The following OSBPL9 variants were observed in gnomAD, a reference collection of about 807,000 sequenced individuals.
OSBPL9 encodes the protein oxysterol binding protein like 9, also known as oxysterol-binding protein-related protein 9.
OSBPL9 carries 40 observed loss-of-function variants against 106.6 expected under a neutral mutation model. That is an observed-to-expected ratio of 0.38 (90% confidence interval 0.29 to 0.49). OSBPL9 has a LOEUF of 0.49. Ranked by LOEUF, OSBPL9 falls within the 20% of genes least tolerant of loss-of-function variation. The probability of loss-of-function intolerance (pLI) is 0.97; values close to 1 mark genes in which losing one functional copy is unlikely to be tolerated. For missense variants in OSBPL9, 609 were observed against 887.2 expected (o/e 0.69, Z 3.98); for synonymous variants, 269 against 295.4 (o/e 0.91, Z 0.92).
intron 7 of OSBPL9, chr1:51,749,524 C>CT: frequency 2.4e-6 from 1 of 421,638 alleles, no homozygotes; most frequent in South Asian, 1.7e-5. Flanking sequence ...GCTATGTTGC[C>CT]TAGGCTGGTC....
At chr1:51,679,814 A>C (rs571395875) in intron 3 of OSBPL9, among the ~76,000 whole-genome samples, 1 of 152,316 alleles carries the variant, frequency 6.6e-6, no homozygotes, top group South Asian at 2.1e-4. Flanking sequence ...AGAGCTCTAG[A>C]GTAGTGATGC....
At position 51,787,902 on chromosome 1, in the gene OSBPL9, T is replaced by C; in HGVS notation, c.*113T>C. On this transcript the variant is annotated 3_prime_UTR_variant, in exon 24 of 24. Transcript: ENST00000428468. ...ATTCCAATCTTCTAATTACAGTGGT[T>C]CCTATCTCAGGGATACTGGACTTTC... is the stretch of plus-strand genomic sequence containing the variant. The C allele has an allele frequency of 2.1e-6, 2 of 968,888 alleles. No individual in the cohort carries two copies. Among genetic ancestry groups the C allele is most frequent in the Non-Finnish European group, 3.2e-6 (2 of 621,876 alleles). The allele number at this position is 968,888 out of a possible 1,614,324, so 60.0% of individuals were successfully genotyped here. A position where few individuals can be genotyped will look rare whatever the true frequency, so the allele number is the denominator to read the frequency against.
intron 4 of OSBPL9, among the ~76,000 whole-genome samples, chr1:51,734,870 A>G (rs1454755265): frequency 6.6e-6 from 1 of 152,082 alleles, no homozygotes; most frequent in Non-Finnish European, 1.5e-5. Context: ...TTTAGCCACT[A>G]ATTTTGGTTT....
chr1:51,640,608 GTTGAATAGC>G (rs1373334084), intron 1 of OSBPL9, among the ~76,000 whole-genome samples: 1 of 152,124 alleles, frequency 6.6e-6, no homozygotes, highest in African/African-American at 2.4e-5. Flanking sequence ...ACTTGGGAGT[GTTGAATAGC>G]TTGAATTGGG....
chr1:51,785,993 C>A (rs1415628831), intron 21 of OSBPL9, 107 bp downstream of exon 21: 7 of 976,092 alleles, frequency 7.2e-6, no homozygotes, highest in Non-Finnish European at 1.1e-5. Context: ...TTTCCTTCTA[C>A]AGTATATTAG....
chr1:51,528,020 A>T, the OSBPL9 span, among the ~76,000 whole-genome samples: 3 of 151,820 alleles, frequency 2.0e-5, no homozygotes, highest in African/African-American at 7.3e-5. Context: ...GCTACTTGGG[A>T]GGCTGAGGCA....
chr1:51,674,699 A>G (rs577330596), intron 3 of OSBPL9, among the ~76,000 whole-genome samples: 7 of 152,240 alleles, frequency 4.6e-5, no homozygotes, highest in Non-Finnish European at 8.8e-5. Flanking sequence ...TGGTGGTTCT[A>G]TAAGATTATA....
chr1:51,562,426 A>G, the OSBPL9 span, among the ~76,000 whole-genome samples: 2 of 152,144 alleles, frequency 1.3e-5, no homozygotes, highest in Non-Finnish European at 2.9e-5. Flanking sequence ...CTGTATAGCT[A>G]TAGCCTGCAG....
chr1:51,663,534 A>T (rs1647648475), intron 2 of OSBPL9, among the ~76,000 whole-genome samples: 1 of 152,194 alleles, frequency 6.6e-6, no homozygotes, highest in Non-Finnish European at 1.5e-5. Context: ...CTGATATCCA[A>T]ATGTAAAGCC....
At chr1:51,694,173 CTG>C (rs770740242) in intron 3 of OSBPL9, among the ~76,000 whole-genome samples, 1 of 152,140 alleles carries the variant, frequency 6.6e-6, no homozygotes, top group Non-Finnish European at 1.5e-5. Flanking sequence ...GAAATTAAAA[CTG>C]AGGGATTTTG....
chr1:51,748,433 T>C (rs2149013850), intron 7 of OSBPL9, 35 bp downstream of exon 7: 1 of 1,446,880 alleles, frequency 6.9e-7, no homozygotes, highest in Non-Finnish European at 9.1e-7. Flanking sequence ...TGACTTTGCA[T>C]TAGAAAATGT....
At chr1:51,536,935 T>G in the OSBPL9 span, among the ~76,000 whole-genome samples, 1 of 152,240 alleles carries the variant, frequency 6.6e-6, no homozygotes, top group Non-Finnish European at 1.5e-5. Context: ...GAGTATTTTT[T>G]CCTGTGTAAG....
At chr1:51,608,871 C>T (rs751797405) in intron 2 of OSBPL9, among the ~76,000 whole-genome samples, 4 of 152,074 alleles carry the variant, frequency 2.6e-5, no homozygotes, top group Non-Finnish European at 5.9e-5. Context: ...AAAAAAAAAT[C>T]CCTCAACCAT....
chr1:51,549,570 G>A, the OSBPL9 span, among the ~76,000 whole-genome samples: 4 of 152,306 alleles, frequency 2.6e-5, no homozygotes, highest in South Asian at 4.1e-4. Context: ...ACTGGCCTAC[G>A]CCTGTAATCC....
At chr1:51,770,879 T>C (rs1185354875) in intron 12 of OSBPL9, among the ~76,000 whole-genome samples, 1 of 152,170 alleles carries the variant, frequency 6.6e-6, no homozygotes, top group African/African-American at 2.4e-5. Context: ...TATGATACAA[T>C]GGTGGATACA....
intron 3 of OSBPL9, among the ~76,000 whole-genome samples, chr1:51,673,854 C>G (rs942068228): frequency 6.6e-6 from 1 of 151,576 alleles, no homozygotes; most frequent in South Asian, 2.1e-4. Context: ...GCACTCCAGC[C>G]TGGGCAATAT....
At chr1:51,753,478 T>G (rs1384836201) in intron 8 of OSBPL9, among the ~76,000 whole-genome samples, 2 of 152,206 alleles carry the variant, frequency 1.3e-5, no homozygotes, top group African/African-American at 4.8e-5. Flanking sequence ...GTAACACATC[T>G]GGTAAAAGTT....
At chr1:51,754,934 G>C (rs1375214997) in intron 8 of OSBPL9, among the ~76,000 whole-genome samples, 1 of 152,164 alleles carries the variant, frequency 6.6e-6, no homozygotes, top group African/African-American at 2.4e-5. Flanking sequence ...AGCCACCTGA[G>C]TAGCTGGGAC....
At chr1:51,623,330 T>TGG (rs1333517135) in intron 1 of OSBPL9, among the ~76,000 whole-genome samples, 2 of 151,976 alleles carry the variant, frequency 1.3e-5, no homozygotes, top group African/African-American at 4.8e-5. Context: ...GGTGTAGGGA[T>TGG]GGGAAGCAAG....
Sources: gnomAD v4.1 joint callset for allele counts (sites outside exome capture counted in the v4.1 genomes callset) on GRCh38, gnomAD v4.1.1 for gene constraint, MANE v1.5 for transcripts, NCBI Gene and HGNC (gene_info 2026-07-23, HGNC 2026-07-21) for gene names.